The following KHK variants were observed in gnomAD, a reference collection of about 807,000 sequenced individuals.
KHK encodes ketohexokinase.
In KHK, 37 loss-of-function variants were observed where a neutral mutation model predicts 36.0. The observed-to-expected ratio is 1.03, with a 90% confidence interval of 0.79 to 1.35. The LOEUF (loss-of-function observed/expected upper bound fraction) is 1.35. Among genes scored for constraint, KHK ranks in the 40% most tolerant of loss-of-function variants. KHK has a pLI of 0.00. For missense variants in KHK, 395 were observed against 391.9 expected, an observed-to-expected ratio of 1.01 and a Z score of -0.07; for synonymous variants, 161 against 162.8, an observed-to-expected ratio of 0.99 and a Z score of 0.08.
intron 1 of KHK, among the ~76,000 whole-genome samples, chr2:27,088,854 C>T (rs1048692600): frequency 1.3e-5 from 2 of 152,186 alleles, no homozygotes; most frequent in Admixed American, 6.5e-5. Context: ...CTGAGAATTG[C>T]TCCTGGGCTA....
rs761965788 is a variant in KHK at position 27,092,485 on chromosome 2, G to A, written c.209+37G>A. 5 of 1,438,500 alleles carry A rather than the reference G, an allele frequency of 3.5e-6. No individual in the cohort carries two copies. In the Admixed American group the frequency reaches 8.4e-5, roughly 24 times the overall value. 89.1% of individuals were successfully genotyped at this position (1,438,500 alleles called of 1,614,324 possible). A position where few individuals can be genotyped will look rare whatever the true frequency, so the allele number is the denominator to read the frequency against. The stretch of plus-strand genomic sequence containing the variant: ...AGGGAGAGCCCACTGGGGAAGGCCT[G>A]CCTGCATCATTGTGGGAGAAGAAGG... On this transcript the variant is annotated intron_variant, in intron 2 of 7. Transcript: ENST00000260598.
Position 27,087,141 on chromosome 2 carries a change from T to G in KHK, c.-119T>G. On this transcript the variant is annotated 5_prime_UTR_variant, in exon 1 of 8. Coordinates refer to ENST00000260598, the MANE Select transcript of KHK (RefSeq NM_006488.3). ...GCAGGTGGCTCCCTGGAGGAGGAGC[T>G]CCCACGCGGAGGAGGAGCCAGGGCA... 1.2e-6 allele frequency: 1 copy of G among 808,916 alleles called. No individual in the cohort carries two copies. The allele number at this position is 808,916 out of a possible 1,614,324, so 50.1% of individuals were successfully genotyped here. A position where few individuals can be genotyped will look rare whatever the true frequency, so the allele number is the denominator to read the frequency against.
chr2:27,090,380 T>C (rs760175045), intron 1 of KHK, among the ~76,000 whole-genome samples: 7 of 152,176 alleles, frequency 4.6e-5, no homozygotes, highest in Non-Finnish European at 1.0e-4. Flanking sequence ...TCCTTTTTTT[T>C]CATATCTTTT....
In KHK at chr2:27,100,625, T is replaced by C. The variant is rs1670764463; in HGVS notation, c.*875T>C. On this transcript the variant is annotated 3_prime_UTR_variant, in exon 8 of 8. Transcript: ENST00000260598. Reference sequence around the variant, plus strand: ...AAAATCTGCCATTTAATTAGCTGCATATCACCTTAGGGTACAGCACTTAAC... The same window carrying C: ...AAAATCTGCCATTTAATTAGCTGCACATCACCTTAGGGTACAGCACTTAAC... 1.7e-6 allele frequency: 2 copies of C among 1,175,536 alleles called. No homozygotes were observed. Among genetic ancestry groups the C allele is most frequent in the Non-Finnish European group, 2.2e-6 (2 of 892,372 alleles). 72.8% of individuals were successfully genotyped at this position (1,175,536 alleles called of 1,614,324 possible).
chr2:27,086,867 A>ATT lies in KHK; in HGVS notation c.-390_-389dup, dbSNP rs1242228210. On this transcript the variant is annotated 5_prime_UTR_variant, in exon 1 of 8. Transcript: ENST00000260598. ...CAGGAGAGTGCGGGGCAAGTAGCGC[A>ATT]TTTTCTCTTTGCATTCTCGAGATCG... 1 of 171,522 alleles carries ATT rather than the reference A, an allele frequency of 5.8e-6. No individual in the cohort carries two copies. The highest frequency in any genetic ancestry group is 2.4e-5 in the African/African-American group (1 of 42,116). The allele number at this position is 171,522 out of a possible 1,614,324, so 10.6% of individuals were successfully genotyped here.
chr2:27,099,124 G>C lies in KHK; in HGVS notation c.565-72G>C, dbSNP rs868051912. ...TGTTGGGGGAGTCGTGTTGTAATGG[G>C]GGCAACGCTAGGCTGCTGTTGGTGA... On this transcript the variant is annotated intron_variant, in intron 5 of 7. Transcript: ENST00000260598. 30 of 1,349,064 alleles carry C rather than the reference G, an allele frequency of 2.2e-5. 1 individual carries two copies. The highest frequency in any genetic ancestry group is 3.6e-4 in the Middle Eastern group (2 of 5,584). The allele number at this position is 1,349,064 out of a possible 1,614,324, so 83.6% of individuals were successfully genotyped here.
At chr2:27,092,470 C>A in intron 2 of KHK, 22 bp downstream of exon 2, 1 of 1,547,534 alleles carries the variant, frequency 6.5e-7, no homozygotes, top group Non-Finnish European at 8.9e-7. Flanking sequence ...AGGGAGAGCC[C>A]ACTGGGGAAG....
intron 5 of KHK, among the ~76,000 whole-genome samples, chr2:27,098,357 A>G (rs1347321765): frequency 6.6e-6 from 1 of 151,956 alleles, no homozygotes; most frequent in Non-Finnish European, 1.5e-5. Context: ...CCCTGTCTCT[A>G]TGAAAATAAA....
chr2:27,096,626 C>T, intron 3 of KHK, 103 bp from the exon 4 acceptor site: 1 of 892,988 alleles, frequency 1.1e-6, no homozygotes, highest in Non-Finnish European at 1.9e-6. Context: ...TGTCATGCTG[C>T]CAGCAGTGCA....
chr2:27,091,895 G>A (rs1028647102), intron 1 of KHK, among the ~76,000 whole-genome samples: 9 of 152,232 alleles, frequency 5.9e-5, no homozygotes, highest in Admixed American at 1.3e-4. Flanking sequence ...AGGTGTAAAT[G>A]TGATACCTTT....
At chr2:27,095,442 A>G (rs1051202852) in intron 3 of KHK, among the ~76,000 whole-genome samples, 1 of 152,182 alleles carries the variant, frequency 6.6e-6, no homozygotes, top group Non-Finnish European at 1.5e-5. Context: ...TTCCAGCATG[A>G]TGAAGCCAGG....
rs1670073207 is a variant in KHK, at chr2:27,092,454, T to A, written c.209+6T>A. On this transcript the variant is annotated splice_donor_region_variant and intron_variant, in intron 2 of 7. Coordinates refer to ENST00000260598, the MANE Select transcript of KHK (RefSeq NM_006488.3). The stretch of plus-strand genomic sequence containing the variant: ...GCTCCTGGCCATGTTGCTGAGTAAG[T>A]CCAGGAGGGAGAGCCCACTGGGGAA... The A allele has an allele frequency of 6.2e-7, 1 of 1,605,626 alleles. No homozygotes were observed. Among genetic ancestry groups the A allele is most frequent in the Admixed American group, 1.7e-5 (1 of 59,956 alleles).
intron 3 of KHK, 36 bp from the exon 4 acceptor site, chr2:27,096,693 C>G (rs1218449931): frequency 6.4e-7 from 1 of 1,569,458 alleles, no homozygotes; most frequent in Non-Finnish European, 8.8e-7. Flanking sequence ...CCCCATCATG[C>G]TCCTTCTTCT....
At position 27,099,278 on chromosome 2, in the gene KHK, G is replaced by A. The variant is rs1234549588; in HGVS notation, c.647G>A (p.Arg216Lys). Residue 216 changes from arginine to lysine, a missense_variant, in exon 6 of 8, where the codon AGG (arginine) becomes AAG (lysine). Transcript: ENST00000260598. The part of the protein sequence containing the change: ...EALRGLYGRV[R>K]KGAVLVCAWA... ...TTGAGGGGCTTGTATGGTCGTGTGAGGAAAGGGTGAGCCGGGGAAGCCAGG... is the reference window on the plus strand; with the variant it reads ...TTGAGGGGCTTGTATGGTCGTGTGAAGAAAGGGTGAGCCGGGGAAGCCAGG... 11 of 1,614,160 alleles carry A rather than the reference G, an allele frequency of 6.8e-6. No homozygotes were observed. The highest frequency in any genetic ancestry group is 1.1e-5 in the South Asian group (1 of 91,076).
rs781078287 is a variant in KHK, at chr2:27,099,449, A to T, written c.683A>T (p.Glu228Val). The T allele has an allele frequency of 5.6e-5, 90 of 1,613,682 alleles. No homozygotes were observed. In the South Asian group the frequency reaches 9.4e-4, roughly 17 times the overall value. ...GAVLVCAWAE[E>V]GADALGPDGK... The stretch of plus-strand genomic sequence containing the variant: ...GTGCTTGTCTGTGCCTGGGCTGAGG[A>T]GGGCGCCGACGCCCTGGGCCCTGAT... Residue 228 changes from glutamate to valine, a missense_variant, in exon 7 of 8, where the codon GAG (glutamate) becomes GTG (valine). By Grantham distance (121) the Glu-to-Val change is moderately radical. Coordinates refer to ENST00000260598, the MANE Select transcript of KHK (RefSeq NM_006488.3).
intron 2 of KHK, chr2:27,094,154 A>T: frequency 2.4e-6 from 1 of 423,974 alleles, no homozygotes; most frequent in Non-Finnish European, 4.4e-6. Flanking sequence ...TACAGGTTCT[A>T]GGGTCCTGTC....
chr2:27,091,390 A>G (rs1669993525), intron 1 of KHK, among the ~76,000 whole-genome samples: 1 of 151,866 alleles, frequency 6.6e-6, no homozygotes, highest in South Asian at 2.1e-4. Context: ...TGCCTGTCCT[A>G]CTATCATTTT....
Position 27,096,777 on chromosome 2 carries a change from C to T in KHK, c.393C>T (p.Thr131=), listed in dbSNP as rs369693176. 25 of 1,613,774 alleles carry T rather than the reference C, an allele frequency of 1.5e-5. No homozygotes were observed. The highest frequency in any genetic ancestry group is 1.9e-5 in the Non-Finnish European group (22 of 1,179,844). The part of the protein sequence containing the change: ...SATDFEKVDL[T]QFKWIHIEGR... Reference sequence around the variant, plus strand: ...CAGACTTTGAGAAGGTTGATCTGACCCAGTTCAAGTGGATCCACATTGAGG... The same window carrying T: ...CAGACTTTGAGAAGGTTGATCTGACTCAGTTCAAGTGGATCCACATTGAGG... Residue 131 remains threonine (T), a synonymous_variant, in exon 4 of 8, where the codon ACC becomes ACT. Coordinates refer to ENST00000260598, the MANE Select transcript of KHK (RefSeq NM_006488.3).
At chr2:27,094,696 G>A (rs972489629) in intron 2 of KHK, 104 bp from the exon 3 acceptor site, 151 of 1,609,736 alleles carry the variant, frequency 9.4e-5, no homozygotes, top group Non-Finnish European at 1.1e-4. Context: ...TTAGAGGCTC[G>A]TGTGCTCCAG....
Sources: allele counts gnomAD v4.1 joint callset (sites outside exome capture counted in the v4.1 genomes callset), GRCh38; gene constraint gnomAD v4.1.1; transcripts MANE v1.5; gene names NCBI Gene and HGNC (gene_info 2026-07-23, HGNC 2026-07-21).